PEBP4: variants seen among roughly 807,000 people sequenced by gnomAD.
PEBP4 encodes the protein phosphatidylethanolamine-binding protein 4.
Under a neutral mutation model 23.9 loss-of-function variants are expected in PEBP4, and 22 were observed. The observed-to-expected ratio is 0.92, with a 90% confidence interval of 0.66 to 1.31. PEBP4 has a LOEUF of 1.31. PEBP4 is among the 40% of genes most tolerant of loss of function. PEBP4 has a pLI of 0.00. For synonymous variants in PEBP4, 112 were observed against 99.3 expected, an observed-to-expected ratio of 1.13 and a Z score of -0.76; for missense variants, 324 against 281.7, an observed-to-expected ratio of 1.15 and a Z score of -1.07.
intron 4 of PEBP4, among the ~76,000 whole-genome samples, chr8:22,755,306 G>A (rs931995662): frequency 6.8e-6 from 1 of 146,500 alleles, no homozygotes; most frequent in South Asian, 2.2e-4. Flanking sequence ...GGCCAAAATC[G>A]TATACTCATT....
chr8:22,800,476 C>A (rs1424691903), intron 4 of PEBP4, among the ~76,000 whole-genome samples: 1 of 152,052 alleles, frequency 6.6e-6, no homozygotes, highest in Admixed American at 6.6e-5. Context: ...CTCATCTGTG[C>A]CATCAGCCCT....
In PEBP4 at chr8:22,775,850, C is replaced by T. The variant is rs750857901; in HGVS notation, c.357+41787G>A. Among the ~76,000 whole-genome samples, 2 of 152,002 alleles carry T rather than the reference C, an allele frequency of 1.3e-5. No individual in the cohort carries two copies. The highest frequency in any genetic ancestry group is 2.1e-4 in the South Asian group (1 of 4,818). On this transcript the variant is annotated intron_variant, in intron 4 of 6. Transcript: ENST00000256404. The surrounding 1 kb of genome is among the most constrained non-coding windows in gnomAD (Gnocchi z 4.8). ...CTCTGAGTGGGCAGGAAGGATTGCC[C>T]GACTCCTTGGCTCTTGGGGGGGTTT... is the stretch of plus-strand genomic sequence containing the variant.
chr8:22,743,069 G>A (rs1378362724), intron 4 of PEBP4, among the ~76,000 whole-genome samples: 1 of 152,186 alleles, frequency 6.6e-6, no homozygotes, highest in Non-Finnish European at 1.5e-5. Flanking sequence ...GGGAGCCAAT[G>A]CTCTCTTATG....
At chr8:22,743,186 G>A (rs565346443) in intron 4 of PEBP4, among the ~76,000 whole-genome samples, 13 of 152,172 alleles carry the variant, frequency 8.5e-5, no homozygotes, top group Non-Finnish European at 1.5e-4. Flanking sequence ...GGGCTGCCCA[G>A]CTGCTGGGGC....
intron 3 of PEBP4, among the ~76,000 whole-genome samples, chr8:22,894,525 T>G (rs1227395417): frequency 1.3e-5 from 2 of 152,162 alleles, no homozygotes; most frequent in Non-Finnish European, 2.9e-5. Flanking sequence ...AAGGCTGCAG[T>G]GAACCGTAAT....
At chr8:22,810,877 TGAGAGAGAGA>T (rs33995327) in intron 4 of PEBP4, among the ~76,000 whole-genome samples, 74 of 137,228 alleles carry the variant, frequency 5.4e-4, no homozygotes, top group South Asian at 2.0e-3. Context: ...CTCAGAGTGC[TGAGAGAGAGA>T]GAGAGAGAGA....
chr8:22,869,709 C>T lies in PEBP4; in HGVS notation c.258+50475G>A, dbSNP rs117501356. 4.6e-3 allele frequency among the ~76,000 whole-genome samples: 701 copies of T among 152,226 alleles called. 7 individuals carry two copies. The highest frequency in any genetic ancestry group is 6.8e-3 in the Middle Eastern group (2 of 294). ...ATACAAAGAACTCTGAAAACATAAC[C>T]ATAGGAAAATGAATAACCCAATTAA... On this transcript the variant is annotated intron_variant, in intron 3 of 6. Coordinates refer to ENST00000256404, the MANE Select transcript of PEBP4 (RefSeq NM_144962.3).
intron 4 of PEBP4, among the ~76,000 whole-genome samples, chr8:22,792,882 C>T (rs918838105): frequency 6.6e-6 from 1 of 152,090 alleles, no homozygotes; most frequent in Admixed American, 6.5e-5. Flanking sequence ...CTCAAATGCT[C>T]CCGAAAGAAA....
intron 3 of PEBP4, among the ~76,000 whole-genome samples, chr8:22,867,273 G>A (rs887805456): frequency 1.3e-4 from 20 of 152,176 alleles, no homozygotes; most frequent in Non-Finnish European, 1.5e-5. Flanking sequence ...ACATATTTGG[G>A]TCAGAAGGTG....
intron 3 of PEBP4, among the ~76,000 whole-genome samples, chr8:22,898,889 A>C (rs1026900099): frequency 7.9e-5 from 12 of 152,222 alleles, no homozygotes; most frequent in Admixed American, 5.2e-4. Flanking sequence ...TCAGGAAGGC[A>C]GAGAGGGACG....
In PEBP4 at chr8:22,939,974, C is replaced by T. The variant is rs114135153; in HGVS notation, c.145-12254G>A. On this transcript the variant is annotated intron_variant, in intron 1 of 1. Coordinates refer to the PEBP4 transcript ENST00000522278. The stretch of plus-strand genomic sequence containing the variant: ...TTGCATCTATTAATGAATCACTTCA[C>T]CCATGGAATGGCAGGCTCCAGAGGG... Among the ~76,000 whole-genome samples, 534 of 152,324 alleles carry T rather than the reference C, an allele frequency of 3.5e-3. 1 individual carries two copies. The highest frequency in any genetic ancestry group is 0.013 in the African/African-American group (523 of 41,574).
At chr8:22,884,124 C>T (rs573063912) in intron 3 of PEBP4, 6 of 152,296 alleles carry the variant, frequency 3.9e-5, no homozygotes, top group South Asian at 2.1e-4. Flanking sequence ...GAAAATGTCC[C>T]GCTGCCTGCC....
intron 3 of PEBP4, among the ~76,000 whole-genome samples, chr8:22,830,198 C>T (rs1021718422): frequency 6.0e-5 from 9 of 149,372 alleles, no homozygotes; most frequent in East Asian, 2.0e-4. Flanking sequence ...GGTGCGATTT[C>T]GGCTAACTGC....
At chr8:22,898,899 G>A (rs1808652932) in intron 3 of PEBP4, among the ~76,000 whole-genome samples, 2 of 152,164 alleles carry the variant, frequency 1.3e-5, no homozygotes, top group African/African-American at 2.4e-5. Flanking sequence ...AGAGAGGGAC[G>A]GGCCCCACCC....
At chr8:22,883,559 C>T (rs542757797) in intron 3 of PEBP4, among the ~76,000 whole-genome samples, 64 of 151,998 alleles carry the variant, frequency 4.2e-4, no homozygotes, top group African/African-American at 1.2e-3. Context: ...TTAGTTCCTT[C>T]GACAGAAAAA....
chr8:22,940,010 G>T (rs1027953969), intron 1 of PEBP4, among the ~76,000 whole-genome samples: 3 of 152,230 alleles, frequency 2.0e-5, no homozygotes, highest in Non-Finnish European at 2.9e-5. Context: ...GCTATGAAAT[G>T]GTGGTGCCTC....
intron 3 of PEBP4, among the ~76,000 whole-genome samples, chr8:22,904,060 T>A (rs1808760658): frequency 6.6e-6 from 1 of 152,208 alleles, no homozygotes; most frequent in Admixed American, 6.5e-5. Flanking sequence ...CCACTGTGAC[T>A]GAGACCCTAT....
At chr8:22,802,443 T>C (rs556618393) in intron 4 of PEBP4, among the ~76,000 whole-genome samples, 115 of 152,362 alleles carry the variant, frequency 7.5e-4, no homozygotes, top group African/African-American at 2.7e-3. Context: ...AGCTGACTCC[T>C]TCTCCTAAAA....
intron 4 of PEBP4, among the ~76,000 whole-genome samples, chr8:22,739,266 C>G (rs894091496): frequency 3.9e-5 from 6 of 152,180 alleles, no homozygotes; most frequent in African/African-American, 1.4e-4. Context: ...GGCTGCAGGT[C>G]ACCTTGCCCT....
Sources: gnomAD v4.1 joint callset for allele counts (sites outside exome capture counted in the v4.1 genomes callset) on GRCh38, gnomAD v4.1.1 for gene constraint, Gnocchi (gnomAD v3.1) non-coding constraint, MANE v1.5 for transcripts, NCBI Gene and HGNC (gene_info 2026-07-23, HGNC 2026-07-21) for gene names.